The following DNTT variants were observed in gnomAD, a reference collection of about 807,000 sequenced individuals.
DNTT encodes the protein DNA nucleotidylexotransferase.
A neutral mutation model predicts 60.9 loss-of-function variants in DNTT; 47 were observed. The observed-to-expected ratio is 0.77, with a 90% CI of 0.61 to 0.98. The LOEUF is 0.98. Ranked by LOEUF, DNTT falls within the 50% of genes least tolerant of loss-of-function variation. The pLI is 0.00. For synonymous variants in DNTT, 224 were observed against 221.2 expected (o/e 1.01, Z -0.11); for missense variants, 665 against 627.5 (o/e 1.06, Z -0.64).
chr10:96,310,626 C>G (rs983706405), intron 1 of DNTT, among the ~76,000 whole-genome samples: 1 of 152,198 alleles, frequency 6.6e-6, no homozygotes, highest in African/African-American at 2.4e-5. Flanking sequence ...AGGGTGGGCT[C>G]CCAGCTTTTC....
intron 8 of DNTT, among the ~76,000 whole-genome samples, chr10:96,329,286 C>A (rs574107190): frequency 5.9e-5 from 9 of 152,332 alleles, no homozygotes; most frequent in Non-Finnish European, 1.3e-4. Context: ...ATGAAGGAAA[C>A]TAATGAGGGC....
intron 1 of DNTT, among the ~76,000 whole-genome samples, chr10:96,317,591 C>T (rs1167926373): frequency 1.3e-5 from 2 of 151,990 alleles, no homozygotes; most frequent in Admixed American, 1.3e-4. Flanking sequence ...GAAGGTGGGG[C>T]CTTTGGGAGG....
intron 5 of DNTT, among the ~76,000 whole-genome samples, chr10:96,323,668 G>A (rs1273265935): frequency 6.6e-6 from 1 of 151,974 alleles, no homozygotes; most frequent in Admixed American, 6.5e-5. Flanking sequence ...TTGGAAGCAG[G>A]GTTTATTACC....
At chr10:96,322,011 C>T (rs1440178793) in intron 4 of DNTT, among the ~76,000 whole-genome samples, 1 of 152,084 alleles carries the variant, frequency 6.6e-6, no homozygotes, top group Non-Finnish European at 1.5e-5. Flanking sequence ...TCAGTTCCAC[C>T]TGGGGGCGCC....
chr10:96,320,628 ATATAC>A lies in DNTT; in HGVS notation c.520_524del (p.Ile174GlyfsTer2). On this transcript the variant is annotated frameshift_variant, in exon 4 of 11. Coordinates refer to ENST00000371174, the MANE Select transcript of DNTT (RefSeq NM_004088.4). LOFTEE classifies it high-confidence loss of function. ...GGTTTTATCCTGCAGGATGCCTTTGATATACTGGCTGAAAACTGTGAGTTTAGAGA... is the reference window on the plus strand; with the variant it reads ...GGTTTTATCCTGCAGGATGCCTTTGATGGCTGAAAACTGTGAGTTTAGAGA... 3 of 1,613,656 alleles carry A rather than the reference ATATAC, an allele frequency of 1.9e-6. No homozygotes were observed. Among genetic ancestry groups the A allele is most frequent in the Non-Finnish European group, 2.5e-6 (3 of 1,179,684 alleles).
chr10:96,307,729 A>G (rs1419375331), intron 1 of DNTT, among the ~76,000 whole-genome samples: 2 of 137,208 alleles, frequency 1.5e-5, no homozygotes, highest in African/African-American at 2.6e-5. Flanking sequence ...ATATATATAT[A>G]TATAAGCATA....
intron 10 of DNTT, 54 bp downstream of exon 10, chr10:96,336,028 C>T: frequency 1.3e-6 from 2 of 1,585,778 alleles, no homozygotes; most frequent in Admixed American, 3.3e-5. Flanking sequence ...CAAGGCTGGC[C>T]CCCGAGCTTT....
chr10:96,318,455 G>T lies in DNTT; in HGVS notation c.307G>T (p.Asp103Tyr), dbSNP rs755771727. 8.1e-6 allele frequency: 13 copies of T among 1,613,828 alleles called. No homozygotes were observed. Among genetic ancestry groups the T allele is most frequent in the Non-Finnish European group, 1.0e-5 (12 of 1,179,886 alleles). Reference protein sequence around the residue: ...VQVSSQPELLDVSWLIECIRA... With the variant: ...VQVSSQPELLYVSWLIECIRA... ...AGTCAGCTCACAACCAGAGCTCCTC[G>T]ATGTCTCCTGGCTGATCGAATGCAT... Residue 103 changes from aspartate to tyrosine, a missense_variant, in exon 2 of 11, where the codon GAT becomes TAT. Asp to Tyr is a radical substitution (Grantham distance 160). Transcript: ENST00000371174.
At chr10:96,324,185 C>A in intron 5 of DNTT, 81 bp from the exon 6 acceptor site, 1 of 1,486,292 alleles carries the variant, frequency 6.7e-7, no homozygotes, top group Non-Finnish European at 9.0e-7. Context: ...TCTTCATTGC[C>A]TGAGACCTAG....
rs144446143 is a variant in DNTT at position 96,329,854 on chromosome 10, C to G, written c.1113+1024C>G. Among the ~76,000 whole-genome samples the G allele has an allele frequency of 3.3e-3, 497 of 152,244 alleles. 1 individual carries two copies. The highest frequency in any genetic ancestry group is 0.011 in the African/African-American group (467 of 41,554). On this transcript the variant is annotated intron_variant, in intron 8 of 10. Transcript: ENST00000371174. ...CACCTGAGACTAAATTTGGACGGAG[C>G]CTTCCTGTGGGAGGTCAAGCTGAGT...
chr10:96,315,662 C>T (rs1404933302), intron 1 of DNTT, among the ~76,000 whole-genome samples: 2 of 151,876 alleles, frequency 1.3e-5, no homozygotes, highest in Non-Finnish European at 2.9e-5. Flanking sequence ...TTAGGGGTCC[C>T]AGGGTTCCTC....
At chr10:96,311,218 T>C (rs1401933310) in intron 1 of DNTT, among the ~76,000 whole-genome samples, 2 of 152,250 alleles carry the variant, frequency 1.3e-5, no homozygotes, top group African/African-American at 4.8e-5. Flanking sequence ...TTTTAAACTG[T>C]AAACAGGTCA....
intron 6 of DNTT, among the ~76,000 whole-genome samples, chr10:96,325,954 A>G (rs545157899): frequency 6.6e-6 from 1 of 152,372 alleles, no homozygotes; most frequent in African/African-American, 2.4e-5. Flanking sequence ...TTTATGAACT[A>G]TAGCAGCACA....
At chr10:96,312,211 A>G (rs1378812626) in intron 1 of DNTT, among the ~76,000 whole-genome samples, 1 of 152,210 alleles carries the variant, frequency 6.6e-6, no homozygotes, top group Non-Finnish European at 1.5e-5. Flanking sequence ...GGGGCAGTTC[A>G]ATAGAAAAGA....
At chr10:96,319,424 C>T (rs766184997) in intron 3 of DNTT, 34 bp downstream of exon 3, 34 of 1,609,036 alleles carry the variant, frequency 2.1e-5, no homozygotes, top group South Asian at 1.1e-4. Flanking sequence ...CCAGGGCAAA[C>T]GAAGGGCTTG....
At chr10:96,327,986 C>T (rs1844958546) in intron 7 of DNTT, among the ~76,000 whole-genome samples, 1 of 152,128 alleles carries the variant, frequency 6.6e-6, no homozygotes, top group South Asian at 2.1e-4. Context: ...CCTGCAAAGC[C>T]CTTGATCCAC....
intron 1 of DNTT, among the ~76,000 whole-genome samples, chr10:96,306,897 C>G (rs1564868148): frequency 6.6e-6 from 1 of 152,224 alleles, no homozygotes; most frequent in Non-Finnish European, 1.5e-5. Flanking sequence ...GATATATAGA[C>G]TTTAATTGGA....
chr10:96,319,718 T>A (rs1195212999), intron 3 of DNTT, among the ~76,000 whole-genome samples: 2 of 152,202 alleles, frequency 1.3e-5, no homozygotes, highest in Non-Finnish European at 2.9e-5. Flanking sequence ...GTCCAAAACA[T>A]AGTAAGAGCA....
chr10:96,318,063 G>T (rs902556511), intron 1 of DNTT, among the ~76,000 whole-genome samples: 3 of 152,176 alleles, frequency 2.0e-5, no homozygotes, highest in Non-Finnish European at 4.4e-5. Context: ...TACTTTAAGA[G>T]CAGTTTTACC....
Sources: allele counts gnomAD v4.1 joint callset (sites outside exome capture counted in the v4.1 genomes callset), GRCh38; gene constraint gnomAD v4.1.1; transcripts MANE v1.5; gene names NCBI Gene and HGNC (gene_info 2026-07-23, HGNC 2026-07-21).